Variants in PTPN2 observed in about 807,000 individuals in gnomAD.
The protein encoded by PTPN2 is tyrosine-protein phosphatase non-receptor type 2.
A neutral mutation model predicts 57.3 loss-of-function variants in PTPN2; 19 were observed. The ratio of observed to expected loss-of-function variants is 0.33; its 90% confidence interval spans 0.23 to 0.49. The LOEUF (loss-of-function observed/expected upper bound fraction) is 0.49. Among genes scored for constraint, PTPN2 ranks in the 20% least tolerant of loss-of-function variants. The pLI, the probability that PTPN2 is intolerant of heterozygous loss-of-function variation, is 0.99. For synonymous variants in PTPN2, 153 were observed against 164.9 expected, an observed-to-expected ratio of 0.93 and a Z score of 0.55; for missense variants, 358 against 501.1, an observed-to-expected ratio of 0.71 and a Z score of 2.73.
intron 1 of PTPN2, among the ~76,000 whole-genome samples, chr18:12,860,972 G>C (rs2043787290): frequency 6.6e-6 from 1 of 152,094 alleles, no homozygotes; most frequent in South Asian, 2.1e-4. Context: ...ATTATTACAT[G>C]TAAGAAAAAG....
chr18:12,800,207 T>A (rs1472217982), intron 8 of PTPN2, among the ~76,000 whole-genome samples: 1 of 152,176 alleles, frequency 6.6e-6, no homozygotes, highest in Non-Finnish European at 1.5e-5. Flanking sequence ...CTCCTCTGTA[T>A]TTGCAAGCTT....
intron 2 of PTPN2, among the ~76,000 whole-genome samples, chr18:12,853,809 G>A (rs1177714870): frequency 6.6e-6 from 1 of 152,116 alleles, no homozygotes; most frequent in African/African-American, 2.4e-5. Flanking sequence ...GTGTAAAGGG[G>A]TCAATCTCCA....
rs544407100 is a variant in PTPN2 at position 12,827,332 on chromosome 18, G to T, written c.361-1388C>A. On this transcript the variant is annotated intron_variant, in intron 4 of 8. Coordinates refer to ENST00000309660, the MANE Select transcript of PTPN2 (RefSeq NM_002828.4). ...CACTCCAGCCTGGGCGACAGAGCGAGACTCCGTCTCAAAAAAAAAAAAAAA... is the reference window on the plus strand; with the variant it reads ...CACTCCAGCCTGGGCGACAGAGCGATACTCCGTCTCAAAAAAAAAAAAAAA... Among the ~76,000 whole-genome samples the T allele has an allele frequency of 2.9e-5, 4 of 138,892 alleles. No individual in the cohort carries two copies. In the East Asian group the frequency reaches 9.3e-4, roughly 32 times the overall value. 91.1% of individuals were successfully genotyped at this position (138,892 alleles called of 152,430 possible). A position where few individuals can be genotyped will look rare whatever the true frequency, so the allele number is the denominator to read the frequency against.
intron 8 of PTPN2, among the ~76,000 whole-genome samples, chr18:12,797,503 G>C (rs2041237870): frequency 6.6e-6 from 1 of 152,040 alleles, no homozygotes; most frequent in Non-Finnish European, 1.5e-5. Flanking sequence ...TAAAAGAATG[G>C]AACAGAGGTT....
chr18:12,875,170 C>T (rs1353722460), intron 1 of PTPN2, among the ~76,000 whole-genome samples: 12 of 152,132 alleles, frequency 7.9e-5, no homozygotes, highest in African/African-American at 2.9e-4. Flanking sequence ...ACAAACACTG[C>T]GGAAGGCCTC....
chr18:12,787,957 C>T (rs970579100), downstream of PTPN2: 5 of 152,376 alleles, frequency 3.3e-5, no homozygotes, highest in Non-Finnish European at 5.9e-5. Context: ...CAAATTGCAC[C>T]AAGAATAGGT....
chr18:12,847,189 C>A (rs1467890829), intron 2 of PTPN2, among the ~76,000 whole-genome samples: 1 of 152,114 alleles, frequency 6.6e-6, no homozygotes, highest in East Asian at 1.9e-4. Flanking sequence ...TCTAATGCAA[C>A]CCTCTATAAT....
intron 2 of PTPN2, among the ~76,000 whole-genome samples, chr18:12,849,218 T>C (rs1018812606): frequency 5.9e-5 from 9 of 152,216 alleles, no homozygotes; most frequent in Admixed American, 2.0e-4. Flanking sequence ...TCCACACTTA[T>C]TGAGATAATC....
At chr18:12,838,635 T>C (rs979073842) in intron 2 of PTPN2, among the ~76,000 whole-genome samples, 41 of 152,190 alleles carry the variant, frequency 2.7e-4, no homozygotes, top group African/African-American at 9.7e-4. Context: ...GCTTCCTGTT[T>C]AACATTAATA....
intron 1 of PTPN2, among the ~76,000 whole-genome samples, chr18:12,871,118 T>G (rs2044256938): frequency 6.6e-6 from 1 of 152,196 alleles, no homozygotes; most frequent in South Asian, 2.1e-4. Flanking sequence ...GATTTTTCAC[T>G]TAGTATATAT....
downstream of PTPN2, among the ~76,000 whole-genome samples, chr18:12,790,610 T>C (rs1005410137): frequency 1.7e-4 from 26 of 152,224 alleles, no homozygotes; most frequent in African/African-American, 6.3e-4. Context: ...AAAAATACAG[T>C]GTCTGGCATA....
chr18:12,882,420 T>C (rs891230981), intron 1 of PTPN2, among the ~76,000 whole-genome samples: 3 of 152,222 alleles, frequency 2.0e-5, no homozygotes, highest in African/African-American at 7.2e-5. Context: ...GAATCACAAT[T>C]CTCATTGAAT....
chr18:12,853,937 T>C (rs1356826921), intron 2 of PTPN2, among the ~76,000 whole-genome samples: 3 of 151,906 alleles, frequency 2.0e-5, no homozygotes, highest in Non-Finnish European at 4.4e-5. Flanking sequence ...CCAGATACCA[T>C]GAAAATGGAC....
In PTPN2 at chr18:12,797,705, C is replaced by A. The variant is rs544324051; in HGVS notation, c.1041-3220G>T. 5.3e-5 allele frequency among the ~76,000 whole-genome samples: 8 copies of A among 152,240 alleles called. 1 individual carries two copies. The South Asian group carries it at 1.7e-3, about 32-fold the overall frequency. On this transcript the variant is annotated intron_variant, in intron 8 of 8. Coordinates refer to ENST00000309660, the MANE Select transcript of PTPN2 (RefSeq NM_002828.4). ...GTAATGACTTGCCAAATGGGACCTG[C>A]CCAGGTTTTCCCGTATATTTATGCA...
At position 12,793,274 on chromosome 18, in the gene PTPN2, T is replaced by C; in HGVS notation, c.*1004A>G. 1 of 972,936 alleles carries C rather than the reference T, an allele frequency of 1.0e-6. No individual in the cohort carries two copies. The highest frequency in any genetic ancestry group is 1.1e-4 in the East Asian group (1 of 8,864). The allele number at this position is 972,936 out of a possible 1,614,324, so 60.3% of individuals were successfully genotyped here. A position where few individuals can be genotyped will look rare whatever the true frequency, so the allele number is the denominator to read the frequency against. On this transcript the variant is annotated 3_prime_UTR_variant, in exon 9 of 9. Transcript: ENST00000309660. Reference sequence around the variant, plus strand: ...AAGGTTTGCATATAATCATACTATTTATTGAAGTAGAAAGAAACTGAAAAG... The same window carrying C: ...AAGGTTTGCATATAATCATACTATTCATTGAAGTAGAAAGAAACTGAAAAG...
Position 12,793,305 on chromosome 18 carries a change from A to G in PTPN2, c.*973T>C. ...AGTAGAAAGAAACTGAAAAGTGTTTACTTCAAAACTTCAGTCTAGTAAACT... is the reference window on the plus strand; with the variant it reads ...AGTAGAAAGAAACTGAAAAGTGTTTGCTTCAAAACTTCAGTCTAGTAAACT... On this transcript the variant is annotated 3_prime_UTR_variant, in exon 9 of 9. Coordinates refer to ENST00000309660, the MANE Select transcript of PTPN2 (RefSeq NM_002828.4). 1 of 972,218 alleles carries G rather than the reference A, an allele frequency of 1.0e-6. No homozygotes were observed. Among genetic ancestry groups the G allele is most frequent in the Non-Finnish European group, 1.2e-6 (1 of 817,452 alleles). The allele number at this position is 972,218 out of a possible 1,614,324, so 60.2% of individuals were successfully genotyped here. A position where few individuals can be genotyped will look rare whatever the true frequency, so the allele number is the denominator to read the frequency against.
chr18:12,883,124 AG>A (rs1335776887), intron 1 of PTPN2, among the ~76,000 whole-genome samples: 3 of 152,046 alleles, frequency 2.0e-5, no homozygotes, highest in African/African-American at 7.2e-5. Flanking sequence ...GCCCCCGGGG[AG>A]GGGATGAGGG....
intron 2 of PTPN2, among the ~76,000 whole-genome samples, chr18:12,850,571 T>G (rs2043357521): frequency 3.3e-5 from 5 of 152,110 alleles, no homozygotes. Flanking sequence ...TTACACAAGT[T>G]TTGATAAGCA....
chr18:12,883,886 T>G, intron 1 of PTPN2, 187 bp downstream of exon 1: 1 of 509,120 alleles, frequency 2.0e-6, no homozygotes, highest in South Asian at 2.7e-5. Context: ...TTTTTTTTTT[T>G]TTTAAACCAA....
Sources: gnomAD v4.1 joint callset for allele counts (sites outside exome capture counted in the v4.1 genomes callset) on GRCh38, gnomAD v4.1.1 for gene constraint, MANE v1.5 for transcripts, NCBI Gene and HGNC (gene_info 2026-07-23, HGNC 2026-07-21) for gene names.